The following GRM3 variants were observed in gnomAD, a reference collection of about 807,000 sequenced individuals.
GRM3 encodes glutamate metabotropic receptor 3.
Under a neutral mutation model 70.5 loss-of-function variants are expected in GRM3, and 26 were observed. The observed-to-expected ratio is 0.37, with a 90% CI of 0.27 to 0.51. The LOEUF (loss-of-function observed/expected upper bound fraction) is 0.51, where lower values mean the gene tolerates loss of function less well. Among genes scored for constraint, GRM3 ranks in the 20% least tolerant of loss-of-function variants. GRM3 has a pLI of 0.93. For missense variants in GRM3, 859 were observed against 1,123.8 expected, an observed-to-expected ratio of 0.76 and a Z score of 3.37; for synonymous variants, 443 against 434.9, an observed-to-expected ratio of 1.02 and a Z score of -0.23.
chr7:86,785,685 A>G (rs1390872984), intron 2 of GRM3, among the ~76,000 whole-genome samples: 1 of 65,192 alleles, frequency 1.5e-5, no homozygotes, highest in African/African-American at 5.6e-5. Flanking sequence ...AATAGAATTG[A>G]TTTTTTTTTT....
chr7:86,767,445 C>T (rs1258510318), intron 2 of GRM3, among the ~76,000 whole-genome samples: 3 of 148,250 alleles, frequency 2.0e-5, no homozygotes, highest in Non-Finnish European at 3.0e-5. Context: ...TTTTGCCACT[C>T]TTTCTATACT....
At chr7:86,850,639 C>A in intron 5 of GRM3, 95 bp downstream of exon 5, 4 of 819,540 alleles carry the variant, frequency 4.9e-6, no homozygotes, top group South Asian at 4.5e-5. Flanking sequence ...TCCCCATGAA[C>A]AATCTCAATT....
At chr7:86,671,596 T>C (rs554389315) in intron 1 of GRM3, among the ~76,000 whole-genome samples, 1 of 152,300 alleles carries the variant, frequency 6.6e-6, no homozygotes, top group East Asian at 1.9e-4. Flanking sequence ...TTCAAGTTAT[T>C]TGAGAAAACT....
intron 1 of GRM3, among the ~76,000 whole-genome samples, chr7:86,703,108 T>G (rs951238010): frequency 2.6e-5 from 4 of 152,016 alleles, no homozygotes; most frequent in Non-Finnish European, 5.9e-5. Context: ...TGTTGGGGTT[T>G]TTTTTCCAGA....
At chr7:86,753,088 C>T (rs1796266961) in intron 1 of GRM3, among the ~76,000 whole-genome samples, 3 of 152,000 alleles carry the variant, frequency 2.0e-5, no homozygotes, top group Admixed American at 2.0e-4. Context: ...ATCATCCGCA[C>T]AGCCAGCAGT....
At chr7:86,713,568 C>T (rs1795247294) in intron 1 of GRM3, among the ~76,000 whole-genome samples, 1 of 151,918 alleles carries the variant, frequency 6.6e-6, no homozygotes, top group Non-Finnish European at 1.5e-5. Flanking sequence ...CCCCTCCCTA[C>T]CCCCCGTCAA....
chr7:86,721,553 A>T (rs1051953077), intron 1 of GRM3, among the ~76,000 whole-genome samples: 2 of 152,020 alleles, frequency 1.3e-5, no homozygotes, highest in African/African-American at 4.8e-5. Flanking sequence ...CCACTGGATT[A>T]ATACTAAAGT....
intron 3 of GRM3, among the ~76,000 whole-genome samples, chr7:86,837,010 T>C (rs924463842): frequency 2.0e-5 from 3 of 152,148 alleles, no homozygotes; most frequent in Non-Finnish European, 2.9e-5. Flanking sequence ...AAGAGATATA[T>C]GTGATGGGTT....
intron 3 of GRM3, among the ~76,000 whole-genome samples, chr7:86,792,008 A>G (rs1383961105): frequency 6.6e-6 from 1 of 152,240 alleles, no homozygotes; most frequent in African/African-American, 2.4e-5. Context: ...GAATTTTCAA[A>G]CTTACTTTGA....
intron 3 of GRM3, among the ~76,000 whole-genome samples, chr7:86,806,660 G>A (rs1258187352): frequency 1.3e-5 from 2 of 151,962 alleles, no homozygotes; most frequent in East Asian, 1.9e-4. Flanking sequence ...TTGTCAGATG[G>A]GTAGATTGCA....
At chr7:86,748,227 G>A (rs949778175) in intron 1 of GRM3, among the ~76,000 whole-genome samples, 9 of 151,930 alleles carry the variant, frequency 5.9e-5, no homozygotes, top group African/African-American at 1.9e-4. Context: ...ATTAAACAAT[G>A]GAATATATAT....
intron 1 of GRM3, among the ~76,000 whole-genome samples, chr7:86,649,046 A>G (rs1400880753): frequency 2.0e-5 from 3 of 152,208 alleles, no homozygotes; most frequent in Non-Finnish European, 4.4e-5. Context: ...TCGACGGTAC[A>G]TGGAAACACT....
chr7:86,764,162 G>T (rs1470221058), intron 1 of GRM3, among the ~76,000 whole-genome samples: 2 of 152,076 alleles, frequency 1.3e-5, no homozygotes, highest in African/African-American at 2.4e-5. Flanking sequence ...GTTGACCTAA[G>T]AAGTATGGAG....
intron 1 of GRM3, among the ~76,000 whole-genome samples, chr7:86,713,925 GC>G: frequency 6.6e-6 from 1 of 151,938 alleles, no homozygotes; most frequent in East Asian, 1.9e-4. Flanking sequence ...GCTAGGTCAT[GC>G]CCCTTAGAGC....
chr7:86,712,982 A>T (rs1051900919), intron 1 of GRM3, among the ~76,000 whole-genome samples: 2 of 152,006 alleles, frequency 1.3e-5, no homozygotes, highest in Non-Finnish European at 2.9e-5. Context: ...TTCCTTTTGG[A>T]TATATAACCA....
intron 2 of GRM3, among the ~76,000 whole-genome samples, chr7:86,773,005 C>T (rs536504641): frequency 3.3e-5 from 5 of 151,686 alleles, no homozygotes; most frequent in South Asian, 2.1e-4. Flanking sequence ...ACGATTTCAA[C>T]GTTTATTTTT....
intron 1 of GRM3, among the ~76,000 whole-genome samples, chr7:86,705,963 C>G (rs1795047696): frequency 1.1e-5 from 1 of 88,606 alleles, no homozygotes; most frequent in Admixed American, 9.7e-5. Context: ...TGTCAAAGCA[C>G]CAGAAATACA....
intron 1 of GRM3, among the ~76,000 whole-genome samples, chr7:86,677,701 C>A (rs181474718): frequency 6.6e-6 from 1 of 151,790 alleles, no homozygotes; most frequent in East Asian, 1.9e-4. Flanking sequence ...GTAAATATGC[C>A]CACCTAGCCA....
At position 86,843,350 on chromosome 7, in the gene GRM3, C is replaced by T. The variant is rs187779150; in HGVS notation, c.2391+3445C>T. Among the ~76,000 whole-genome samples the T allele has an allele frequency of 7.1e-4, 108 of 152,136 alleles. 1 individual carries two copies. The highest frequency in any genetic ancestry group is 6.4e-3 in the Admixed American group (97 of 15,260). The stretch of plus-strand genomic sequence containing the variant: ...CATGCCCTTCATACTGTACCACAGA[C>T]GCATCCATAATATGAAGGACGGATT... On this transcript the variant is annotated intron_variant, in intron 4 of 5. Transcript: ENST00000361669.
Sources: gnomAD v4.1 joint callset for allele counts (sites outside exome capture counted in the v4.1 genomes callset) on GRCh38, gnomAD v4.1.1 for gene constraint, MANE v1.5 for transcripts, NCBI Gene and HGNC (gene_info 2026-07-23, HGNC 2026-07-21) for gene names.